The following SLC4A4 variants were observed in gnomAD, a reference collection of about 807,000 sequenced individuals.
SLC4A4 encodes solute carrier family 4 member 4, also known as electrogenic sodium bicarbonate cotransporter 1.
In SLC4A4, 27 loss-of-function variants were observed where a neutral mutation model predicts 111.5. The ratio of observed to expected loss-of-function variants is 0.24; its 90% confidence interval spans 0.18 to 0.33. The LOEUF (loss-of-function observed/expected upper bound fraction) is 0.33, where lower values mean the gene tolerates loss of function less well. SLC4A4 is among the 10% of genes least tolerant of loss of function. The probability of loss-of-function intolerance (pLI) is 1.00; values close to 1 mark genes in which losing one functional copy is unlikely to be tolerated. For synonymous variants in SLC4A4, 443 were observed against 463.4 expected (o/e 0.96, Z 0.57); for missense variants, 909 against 1,315.5 (o/e 0.69, Z 4.78).
At chr4:71,240,517 C>T (rs1382221114) in intron 2 of SLC4A4, among the ~76,000 whole-genome samples, 2 of 152,184 alleles carry the variant, frequency 1.3e-5, no homozygotes, top group African/African-American at 4.8e-5. Context: ...TTTCCTCTTC[C>T]ATTCAAAACT....
chr4:71,178,391 C>G (rs763368924), intron 2 of SLC4A4, among the ~76,000 whole-genome samples: 1 of 149,966 alleles, frequency 6.7e-6, no homozygotes, highest in Middle Eastern at 3.4e-3. Context: ...CACAAAAATC[C>G]CTTCAAAAAA....
At chr4:71,235,740 A>G (rs564603328) in intron 1 of SLC4A4, among the ~76,000 whole-genome samples, 41 of 152,318 alleles carry the variant, frequency 2.7e-4, no homozygotes, top group Admixed American at 6.5e-4. Context: ...CTGAGGTCTT[A>G]TTTAGCATAT....
intron 1 of SLC4A4, among the ~76,000 whole-genome samples, chr4:71,216,131 A>G (rs1718419191): frequency 6.6e-6 from 1 of 151,168 alleles, no homozygotes. Flanking sequence ...CTGGTCTCGA[A>G]CTCCTGGCCT....
intron 6 of SLC4A4, among the ~76,000 whole-genome samples, chr4:71,365,930 G>A (rs530674942): frequency 1.2e-4 from 18 of 152,190 alleles, no homozygotes; most frequent in Non-Finnish European, 2.4e-4. Flanking sequence ...AACCACAAGG[G>A]GATGAGCTTC....
At chr4:71,517,760 G>A (rs2149186675) in intron 16 of SLC4A4, among the ~76,000 whole-genome samples, 1 of 152,278 alleles carries the variant, frequency 6.6e-6, no homozygotes, top group East Asian at 1.9e-4. Context: ...GTCTTTGTCT[G>A]GAAAAGTTTT....
At chr4:71,384,554 G>A (rs1471708221) in intron 6 of SLC4A4, among the ~76,000 whole-genome samples, 1 of 151,230 alleles carries the variant, frequency 6.6e-6, no homozygotes, top group Non-Finnish European at 1.5e-5. Flanking sequence ...CAGTGAGGAG[G>A]GGGCTTGAAC....
At chr4:71,456,235 C>T (rs1024172240) in intron 12 of SLC4A4, among the ~76,000 whole-genome samples, 2 of 152,036 alleles carry the variant, frequency 1.3e-5, no homozygotes, top group Non-Finnish European at 1.5e-5. Context: ...CACTCTCTTC[C>T]AAAGCTTTTT....
chr4:71,221,257 G>A (rs1718728855), intron 1 of SLC4A4, among the ~76,000 whole-genome samples: 1 of 152,172 alleles, frequency 6.6e-6, no homozygotes, highest in Non-Finnish European at 1.5e-5. Flanking sequence ...TGGGTTGAAT[G>A]GTAGATAGTT....
At chr4:71,176,997 A>G (rs1745116252) in intron 2 of SLC4A4, among the ~76,000 whole-genome samples, 1 of 152,250 alleles carries the variant, frequency 6.6e-6, no homozygotes, top group Admixed American at 6.5e-5. Flanking sequence ...AAACTCTACA[A>G]GCCAGAAGAG....
At chr4:71,101,891 C>A (rs1329924564) in intron 2 of SLC4A4, among the ~76,000 whole-genome samples, 1 of 151,914 alleles carries the variant, frequency 6.6e-6, no homozygotes, top group Admixed American at 6.6e-5. Flanking sequence ...AACGCAGTTC[C>A]TCACCAGCAA....
At chr4:71,247,020 G>C (rs960875896) in intron 2 of SLC4A4, among the ~76,000 whole-genome samples, 6 of 152,058 alleles carry the variant, frequency 3.9e-5, no homozygotes, top group African/African-American at 1.4e-4. Flanking sequence ...GAAAACCACA[G>C]TATTGAAGAT....
intron 3 of SLC4A4, among the ~76,000 whole-genome samples, chr4:71,280,087 C>T (rs1482003444): frequency 1.3e-5 from 2 of 152,228 alleles, no homozygotes; most frequent in Non-Finnish European, 1.5e-5. Context: ...AGCCACCCTG[C>T]CCGGCCAATC....
intron 1 of SLC4A4, among the ~76,000 whole-genome samples, chr4:71,073,373 C>A (rs1741718114): frequency 6.6e-6 from 1 of 152,004 alleles, no homozygotes; most frequent in Non-Finnish European, 1.5e-5. Context: ...GTAAAGTAAT[C>A]AAAAAGGCTA....
chr4:71,256,714 G>A (rs1387127526), intron 3 of SLC4A4, among the ~76,000 whole-genome samples: 2 of 152,158 alleles, frequency 1.3e-5, no homozygotes, highest in Non-Finnish European at 2.9e-5. Flanking sequence ...GCCTTAAAAT[G>A]CACATAAACA....
chr4:71,385,281 C>T (rs1282363738), intron 6 of SLC4A4, among the ~76,000 whole-genome samples: 9 of 142,706 alleles, frequency 6.3e-5, no homozygotes, highest in African/African-American at 1.8e-4. Flanking sequence ...TCACCACAAC[C>T]TCTGCCTCCC....
chr4:71,453,166 A>G (rs1283360618), intron 11 of SLC4A4, among the ~76,000 whole-genome samples: 1 of 152,156 alleles, frequency 6.6e-6, no homozygotes, highest in Non-Finnish European at 1.5e-5. Context: ...GAGATGATGA[A>G]GGGCCTTTAT....
intron 14 of SLC4A4, among the ~76,000 whole-genome samples, chr4:71,474,575 A>C (rs1728183816): frequency 6.6e-6 from 1 of 151,898 alleles, no homozygotes. Context: ...TTGAGAAAAA[A>C]GAGAACACTA....
intron 2 of SLC4A4, among the ~76,000 whole-genome samples, chr4:71,182,047 A>G (rs1745310226): frequency 6.6e-6 from 1 of 152,210 alleles, no homozygotes; most frequent in South Asian, 2.1e-4. Context: ...AAGATAATGG[A>G]CATTATTTTG....
At chr4:71,223,112 C>G (rs1578620794) in intron 1 of SLC4A4, among the ~76,000 whole-genome samples, 1 of 151,728 alleles carries the variant, frequency 6.6e-6, no homozygotes, top group East Asian at 1.9e-4. Context: ...CACTAAAGGT[C>G]TGTTTAATAT....
Sources: allele counts gnomAD v4.1 joint callset (sites outside exome capture counted in the v4.1 genomes callset), GRCh38; gene constraint gnomAD v4.1.1; transcripts MANE v1.5; gene names NCBI Gene and HGNC (gene_info 2026-07-23, HGNC 2026-07-21).